PRELID2: variants seen among roughly 807,000 people sequenced by gnomAD.
PRELID2 encodes PRELI domain containing 2, also known as PRELI domain-containing protein 2.
PRELID2 carries 25 observed loss-of-function variants against 28.4 expected under a neutral mutation model. The ratio of observed to expected loss-of-function variants is 0.88; its 90% CI spans 0.64 to 1.23. PRELID2 has a LOEUF of 1.23. Ranked by LOEUF, PRELID2 falls within the 50% of genes most tolerant of loss-of-function variation. PRELID2 has a pLI of 0.00. For synonymous variants in PRELID2, 76 were observed against 71.6 expected (o/e 1.06, Z -0.31); for missense variants, 201 against 214.4 (o/e 0.94, Z 0.39).
At chr5:145,428,117 C>T in the PRELID2 span, among the ~76,000 whole-genome samples, 17 of 152,166 alleles carry the variant, frequency 1.1e-4, no homozygotes, top group African/African-American at 4.1e-4. Flanking sequence ...TGCCACCACA[C>T]CTGGCTAATT....
the PRELID2 span, among the ~76,000 whole-genome samples, chr5:145,350,299 C>T: frequency 1.3e-5 from 2 of 152,120 alleles, no homozygotes. Flanking sequence ...GTCTAGATGA[C>T]ATGAGAAAAG....
chr5:145,729,236 G>T, intron 1 of PRELID2: 1 of 942,540 alleles, frequency 1.1e-6, no homozygotes. Context: ...ATCTTACAAT[G>T]AATGATGCTG....
At chr5:145,682,804 C>T (rs763173191) in intron 1 of PRELID2, among the ~76,000 whole-genome samples, 2 of 152,118 alleles carry the variant, frequency 1.3e-5, no homozygotes, top group Non-Finnish European at 2.9e-5. Context: ...CAATGACCAT[C>T]GAGGTTGATC....
intron 1 of PRELID2, among the ~76,000 whole-genome samples, chr5:145,697,986 CA>C (rs200419262): frequency 6.7e-6 from 1 of 149,698 alleles, no homozygotes; most frequent in South Asian, 2.1e-4. Context: ...TAATGTCCCT[CA>C]AAAAAAATAT....
the PRELID2 span, among the ~76,000 whole-genome samples, chr5:145,298,135 G>C: frequency 6.6e-6 from 1 of 151,950 alleles, no homozygotes; most frequent in South Asian, 2.1e-4. Context: ...AGTTCATATG[G>C]AACCAAAAAA....
chr5:145,812,165 G>A (rs561994505), intron 4 of PRELID2, among the ~76,000 whole-genome samples: 2 of 152,172 alleles, frequency 1.3e-5, no homozygotes, highest in East Asian at 3.9e-4. Flanking sequence ...ATGGCTAGGA[G>A]ACAGGTTCCC....
At chr5:145,640,119 TGAA>T (rs1044234805) in intron 1 of PRELID2, among the ~76,000 whole-genome samples, 2 of 152,058 alleles carry the variant, frequency 1.3e-5, no homozygotes, top group African/African-American at 4.8e-5. Flanking sequence ...AATCAAAAGA[TGAA>T]GAGAGCTGTG....
chr5:145,472,845 G>T (rs985586008), intron 2 of PRELID2, among the ~76,000 whole-genome samples: 1 of 152,028 alleles, frequency 6.6e-6, no homozygotes, highest in Non-Finnish European at 1.5e-5. Context: ...TCATTCTCTG[G>T]TCTGATAAGT....
At chr5:145,478,461 G>C (rs1025527012) in intron 1 of PRELID2, among the ~76,000 whole-genome samples, 1 of 152,086 alleles carries the variant, frequency 6.6e-6, no homozygotes, top group African/African-American at 2.4e-5. Context: ...TGAGGCAGGA[G>C]AATCGCTTGA....
chr5:145,407,052 T>C, the PRELID2 span, among the ~76,000 whole-genome samples: 7 of 152,220 alleles, frequency 4.6e-5, no homozygotes, highest in African/African-American at 1.7e-4. Context: ...TTTGTAATAA[T>C]TTTGATTGAG....
chr5:145,820,183 C>A (rs910029859), intron 2 of PRELID2, among the ~76,000 whole-genome samples, 165 bp from the exon 3 acceptor site: 10 of 150,846 alleles, frequency 6.6e-5, no homozygotes, highest in African/African-American at 2.4e-4. Flanking sequence ...CTCACTGCAA[C>A]TTCTACCTCC....
chr5:145,636,194 TG>T (rs1753999971), intron 1 of PRELID2, among the ~76,000 whole-genome samples: 1 of 152,226 alleles, frequency 6.6e-6, no homozygotes, highest in Non-Finnish European at 1.5e-5. Flanking sequence ...AATGTAGAGA[TG>T]ACAAAACTGA....
intron 1 of PRELID2, among the ~76,000 whole-genome samples, chr5:145,704,977 G>A (rs759588830): frequency 3.9e-5 from 6 of 152,074 alleles, no homozygotes; most frequent in Non-Finnish European, 7.4e-5. Flanking sequence ...GGGTTGCAGG[G>A]CAAATCCCCT....
At chr5:145,462,744 G>A in the PRELID2 span, among the ~76,000 whole-genome samples, 3 of 152,168 alleles carry the variant, frequency 2.0e-5, no homozygotes, top group South Asian at 6.2e-4. Flanking sequence ...TGAGTTGGCT[G>A]TGCCCACTGT....
intron 1 of PRELID2, among the ~76,000 whole-genome samples, chr5:145,566,978 T>C (rs1179690159): frequency 6.6e-6 from 1 of 152,186 alleles, no homozygotes; most frequent in East Asian, 1.9e-4. Flanking sequence ...ACATGTATTA[T>C]TTACACTAAA....
At chr5:145,610,983 T>C (rs1753605210) in intron 1 of PRELID2, among the ~76,000 whole-genome samples, 1 of 148,064 alleles carries the variant, frequency 6.8e-6, no homozygotes, top group South Asian at 2.1e-4. Context: ...TATATATTTA[T>C]AATATATAAA....
the PRELID2 span, among the ~76,000 whole-genome samples, chr5:145,325,681 A>G: frequency 4.2e-4 from 64 of 152,288 alleles, no homozygotes; most frequent in Non-Finnish European, 8.5e-4. Flanking sequence ...CCAAAACTCA[A>G]ACTTTGGTCT....
At chr5:145,728,735 CTCT>C in intron 1 of PRELID2, 1 of 1,531,428 alleles carries the variant, frequency 6.5e-7, no homozygotes, top group South Asian at 1.1e-5. Flanking sequence ...TCTTAAAACT[CTCT>C]TCAACTGTTG....
At chr5:145,624,231 C>A (rs538414925) in intron 1 of PRELID2, among the ~76,000 whole-genome samples, 41 of 152,288 alleles carry the variant, frequency 2.7e-4, no homozygotes, top group African/African-American at 9.6e-4. Flanking sequence ...CTCCAAACCC[C>A]ATCATTCAGG....
Sources: gnomAD v4.1 joint callset for allele counts (sites outside exome capture counted in the v4.1 genomes callset) on GRCh38, gnomAD v4.1.1 for gene constraint, MANE v1.5 for transcripts, NCBI Gene and HGNC (gene_info 2026-07-23, HGNC 2026-07-21) for gene names.